Variants in RBFOX1 observed in about 807,000 individuals in gnomAD.
The protein encoded by RBFOX1 is RNA binding protein fox-1 homolog 1.
Under a neutral mutation model 57.7 loss-of-function variants are expected in RBFOX1, and 8 were observed. That is an observed-to-expected ratio of 0.14 (90% CI 0.08 to 0.25). The LOEUF is 0.25. Ranked by LOEUF, RBFOX1 falls within the 10% of genes least tolerant of loss-of-function variation. The probability of loss-of-function intolerance (pLI) is 1.00; values close to 1 mark genes in which losing one functional copy is unlikely to be tolerated. For synonymous variants in RBFOX1, 326 were observed against 222.4 expected (o/e 1.47, Z -4.15); for missense variants, 611 against 548.5 (o/e 1.11, Z -1.14).
intron 4 of RBFOX1, among the ~76,000 whole-genome samples, chr16:7,465,807 G>T (rs914360493): frequency 6.6e-6 from 1 of 152,182 alleles, no homozygotes; most frequent in African/African-American, 2.4e-5. Context: ...AGGCAACCCA[G>T]GTAATTCTTG....
chr16:7,444,285 G>C (rs572649757), intron 4 of RBFOX1, among the ~76,000 whole-genome samples: 1 of 152,094 alleles, frequency 6.6e-6, no homozygotes, highest in East Asian at 1.9e-4. Context: ...CGTGGGTGTG[G>C]TCTGGCTGGA....
rs3045200 is a variant in RBFOX1 at position 6,584,340 on chromosome 16, C to CATTATTATTATTATT, written c.-63-70232_-63-70218dup. On this transcript the variant is annotated intron_variant, in intron 2 of 15. Coordinates refer to ENST00000550418, the MANE Select transcript of RBFOX1 (RefSeq NM_018723.4). ...CAGCAGAAAAGTTGTGTTTTATTTT[C>CATTATTATTATTATT]ATTATTATTATTATTATTATTATTA... Among the ~76,000 whole-genome samples, 15 of 136,786 alleles carry CATTATTATTATTATT rather than the reference C, an allele frequency of 1.1e-4. No homozygotes were observed. In the East Asian group the frequency reaches 1.1e-3, roughly 10 times the overall value. The allele number at this position is 136,786 out of a possible 152,430, so 89.7% of individuals were successfully genotyped here.
At chr16:5,446,451 A>C (rs1488368379) in intron 1 of RBFOX1, among the ~76,000 whole-genome samples, 1 of 152,144 alleles carries the variant, frequency 6.6e-6, no homozygotes, top group South Asian at 2.1e-4. Context: ...ATTGTGGAAG[A>C]TTCTACCTCT....
At chr16:7,331,536 T>G (rs1263409070) in intron 4 of RBFOX1, among the ~76,000 whole-genome samples, 1 of 152,192 alleles carries the variant, frequency 6.6e-6, no homozygotes, top group African/African-American at 2.4e-5. Context: ...AAGCCTTCAA[T>G]CTGAAACCAA....
At chr16:6,612,363 G>A (rs2154026014) in intron 2 of RBFOX1, among the ~76,000 whole-genome samples, 1 of 152,218 alleles carries the variant, frequency 6.6e-6, no homozygotes, top group East Asian at 1.9e-4. Flanking sequence ...AACCAACATT[G>A]CCACTGCTTT....
intron 3 of RBFOX1, among the ~76,000 whole-genome samples, chr16:6,818,722 G>T (rs758712628): frequency 5.3e-5 from 8 of 152,056 alleles, no homozygotes; most frequent in Non-Finnish European, 8.8e-5. Context: ...CCCTCAGTCT[G>T]TGTCATCAGA....
intron 4 of RBFOX1, among the ~76,000 whole-genome samples, chr16:7,351,106 G>T (rs1481723018): frequency 6.6e-6 from 1 of 152,178 alleles, no homozygotes; most frequent in Admixed American, 6.5e-5. Flanking sequence ...AGTAGAGAAG[G>T]CCCCTTGGGA....
At chr16:5,868,877 T>C (rs1241507124) in intron 4 of RBFOX1, among the ~76,000 whole-genome samples, 2 of 152,224 alleles carry the variant, frequency 1.3e-5, no homozygotes, top group Non-Finnish European at 2.9e-5. Context: ...CCTCTGGTGG[T>C]TTGCTGTCAC....
At chr16:6,541,200 GTCC>G (rs959440112) in intron 2 of RBFOX1, among the ~76,000 whole-genome samples, 16 of 152,304 alleles carry the variant, frequency 1.1e-4, no homozygotes, top group African/African-American at 3.8e-4. Flanking sequence ...ATGGCTCTAG[GTCC>G]TCCTGTCTTA....
At chr16:5,571,415 C>T (rs995958433) in intron 2 of RBFOX1, among the ~76,000 whole-genome samples, 4 of 151,658 alleles carry the variant, frequency 2.6e-5, no homozygotes, top group Non-Finnish European at 5.9e-5. Context: ...GGGTTTCACC[C>T]TGTTGGCCAC....
chr16:6,263,559 G>A (rs1233622788), intron 1 of RBFOX1, among the ~76,000 whole-genome samples: 4 of 152,134 alleles, frequency 2.6e-5, no homozygotes, highest in Non-Finnish European at 5.9e-5. Context: ...TCTGACAGAT[G>A]TGGCATATCT....
intron 4 of RBFOX1, among the ~76,000 whole-genome samples, chr16:7,513,695 T>C (rs1260690964): frequency 6.6e-6 from 1 of 152,134 alleles, no homozygotes; most frequent in African/African-American, 2.4e-5. Flanking sequence ...GAACTACCGG[T>C]ATGAGGCGCC....
intron 2 of RBFOX1, among the ~76,000 whole-genome samples, chr16:6,383,522 G>C (rs6500777): frequency 0.16 from 24,503 of 151,996 alleles, 2,934 homozygotes; most frequent in African/African-American, 0.34. Flanking sequence ...TGCCTGTAAT[G>C]CCAGTATTTT....
intron 2 of RBFOX1, among the ~76,000 whole-genome samples, chr16:6,489,125 C>G (rs1172594791): frequency 1.3e-5 from 2 of 152,060 alleles, no homozygotes; most frequent in Non-Finnish European, 2.9e-5. Context: ...TTCCAATTTA[C>G]TTACTCTTTA....
chr16:7,021,428 GTATA>G (rs374629317), intron 3 of RBFOX1, among the ~76,000 whole-genome samples: 1 of 138,306 alleles, frequency 7.2e-6, no homozygotes, highest in Non-Finnish European at 1.6e-5. Context: ...TTATATATTT[GTATA>G]TATGTTTTAT....
chr16:7,188,727 G>A (rs2084555124), intron 4 of RBFOX1, among the ~76,000 whole-genome samples: 1 of 152,122 alleles, frequency 6.6e-6, no homozygotes, highest in African/African-American at 2.4e-5. Context: ...CCATATATTT[G>A]GAGATTCAGA....
At chr16:6,090,404 C>G (rs961643790) in intron 1 of RBFOX1, among the ~76,000 whole-genome samples, 1 of 152,202 alleles carries the variant, frequency 6.6e-6, no homozygotes, top group Non-Finnish European at 1.5e-5. Context: ...ATCATCATCT[C>G]CACTCTTCTG....
intron 3 of RBFOX1, among the ~76,000 whole-genome samples, chr16:6,969,885 T>A (rs889732106): frequency 2.0e-5 from 3 of 152,204 alleles, no homozygotes; most frequent in Non-Finnish European, 4.4e-5. Flanking sequence ...GGGTATGCAA[T>A]GTTGTGTCAC....
rs142702870 is a variant in RBFOX1, at chr16:6,861,180, A to G, written c.-15-190877A>G. ...ATATGTCTCATGTATTGCATAAGAAAAAAGAGTGCATCTGAACAGCTACAG... is the reference window on the plus strand; with the variant it reads ...ATATGTCTCATGTATTGCATAAGAAGAAAGAGTGCATCTGAACAGCTACAG... On this transcript the variant is annotated intron_variant, in intron 3 of 15. Transcript: ENST00000550418. 9.8e-5 allele frequency among the ~76,000 whole-genome samples: 15 copies of G among 152,338 alleles called. 1 individual carries two copies. The highest frequency in any genetic ancestry group is 3.6e-4 in the African/African-American group (15 of 41,576).
Sources: gnomAD v4.1 joint callset for allele counts (sites outside exome capture counted in the v4.1 genomes callset) on GRCh38, gnomAD v4.1.1 for gene constraint, MANE v1.5 for transcripts, NCBI Gene and HGNC (gene_info 2026-07-23, HGNC 2026-07-21) for gene names.